The following WDR33 variants were observed in gnomAD, a reference collection of about 807,000 sequenced individuals.
WDR33 encodes the protein WD repeat domain 33.
Under a neutral mutation model 164.9 loss-of-function variants are expected in WDR33, and 47 were observed. The observed-to-expected ratio is 0.29, with a 90% CI of 0.23 to 0.36. WDR33 has a LOEUF of 0.36. Among genes scored for constraint, WDR33 ranks in the 10% least tolerant of loss-of-function variants. The probability of loss-of-function intolerance (pLI) is 1.00; values close to 1 mark genes in which losing one functional copy is unlikely to be tolerated. For synonymous variants in WDR33, 505 were observed against 589.0 expected, an observed-to-expected ratio of 0.86 and a Z score of 2.06; for missense variants, 1,137 against 1,754.1, an observed-to-expected ratio of 0.65 and a Z score of 6.28.
At chr2:127,711,774 A>AT (rs1382438028) in intron 18 of WDR33, among the ~76,000 whole-genome samples, 2 of 93,340 alleles carry the variant, frequency 2.1e-5, no homozygotes, top group South Asian at 8.3e-4. Context: ...ATATATATAT[A>AT]TATATATTTT....
chr2:127,757,921 GCA>G (rs1012062000), intron 7 of WDR33, among the ~76,000 whole-genome samples: 34 of 152,166 alleles, frequency 2.2e-4, no homozygotes, highest in African/African-American at 7.7e-4. Context: ...TCATGAAGGG[GCA>G]CACAGAGACT....
Position 127,701,556 on chromosome 2 carries a change from G to A in WDR33, c.*4767C>T. On this transcript the variant is annotated 3_prime_UTR_variant, in exon 22 of 22. Coordinates refer to ENST00000322313, the MANE Select transcript of WDR33 (RefSeq NM_018383.5). ...GGCGGACCTCCACCGCCAGCTGCAG[G>A]AGTACCTGGCGCAGGGGAAAGCTGG... is the stretch of plus-strand genomic sequence containing the variant. 1.5e-6 allele frequency: 2 copies of A among 1,368,492 alleles called. No individual in the cohort carries two copies. Among genetic ancestry groups the A allele is most frequent in the Non-Finnish European group, 1.9e-6 (2 of 1,059,878 alleles). The allele number at this position is 1,368,492 out of a possible 1,614,324, so 84.8% of individuals were successfully genotyped here.
intron 7 of WDR33, among the ~76,000 whole-genome samples, chr2:127,731,773 T>G (rs1009088635): frequency 2.6e-5 from 4 of 152,100 alleles, no homozygotes; most frequent in African/African-American, 9.7e-5. Flanking sequence ...CTAAAAAGGG[T>G]ACATATTACC....
chr2:127,786,925 T>C lies in WDR33; in HGVS notation c.-23-15921A>G, dbSNP rs1262726896. On this transcript the variant is annotated intron_variant, in intron 1 of 21. Coordinates refer to ENST00000322313, the MANE Select transcript of WDR33 (RefSeq NM_018383.5). ...CACAGAGGGGGATTTGGCAGGGTCA[T>C]GGGACAATAGTGGAGGGAAGGTCAG... is the stretch of plus-strand genomic sequence containing the variant. Among the ~76,000 whole-genome samples, 4 of 126,646 alleles carry C rather than the reference T, an allele frequency of 3.2e-5. No individual in the cohort carries two copies. The East Asian group carries it at 8.9e-4, about 28-fold the overall frequency. 83.1% of individuals were successfully genotyped at this position (126,646 alleles called of 152,430 possible). A position where few individuals can be genotyped will look rare whatever the true frequency, so the allele number is the denominator to read the frequency against.
intron 1 of WDR33, among the ~76,000 whole-genome samples, chr2:127,803,272 G>A (rs1689316181): frequency 6.6e-6 from 1 of 152,046 alleles, no homozygotes; most frequent in Non-Finnish European, 1.5e-5. Context: ...TGTTAACTTT[G>A]ATTAGGAATT....
At position 127,719,119 on chromosome 2, in the gene WDR33, A is replaced by G; in HGVS notation, c.2760+146T>C. 9.6e-7 allele frequency: 1 copy of G among 1,037,774 alleles called. No individual in the cohort carries two copies. Among genetic ancestry groups the G allele is most frequent in the Non-Finnish European group, 1.3e-6 (1 of 786,238 alleles). The allele number at this position is 1,037,774 out of a possible 1,614,324, so 64.3% of individuals were successfully genotyped here. A position where few individuals can be genotyped will look rare whatever the true frequency, so the allele number is the denominator to read the frequency against. On this transcript the variant is annotated intron_variant, in intron 16 of 21. Transcript: ENST00000322313. The surrounding 1 kb of genome is among the most constrained non-coding windows in gnomAD (Gnocchi z 6.5). ...CATCATTCTTATGATTTCATTCTTC[A>G]GCCAGGATGCTAGTATCTTAAGCTA...
rs1686451876 is a variant in WDR33, at chr2:127,721,955, G to T, written c.1552C>A (p.Pro518Thr). ...WMQNKVPIPA[P>T]NEVLNDRKED... ...TTTCTGTCATTCAGCACCTCATTTG[G>T]AGCAGGAATTGGAACTTTATTTTGC... Residue 518 changes from proline to threonine, a missense_variant, in exon 15 of 22, where the codon CCA becomes ACA. Coordinates refer to ENST00000322313, the MANE Select transcript of WDR33 (RefSeq NM_018383.5). The surrounding 1 kb of genome is among the most constrained non-coding windows in gnomAD (Gnocchi z 4.9). 1 of 1,613,000 alleles carries T rather than the reference G, an allele frequency of 6.2e-7. No individual in the cohort carries two copies. Among genetic ancestry groups the T allele is most frequent in the Non-Finnish European group, 8.5e-7 (1 of 1,179,852 alleles).
chr2:127,790,496 A>C (rs889004699), intron 1 of WDR33, among the ~76,000 whole-genome samples: 2 of 152,236 alleles, frequency 1.3e-5, no homozygotes. Context: ...GAGAGTATGT[A>C]GAATTGATAT....
intron 7 of WDR33, among the ~76,000 whole-genome samples, chr2:127,749,593 C>T (rs1330329777): frequency 1.4e-5 from 2 of 146,924 alleles, no homozygotes; most frequent in African/African-American, 5.0e-5. Context: ...GCCAGGGAGG[C>T]GGAGATTGCA....
At chr2:127,778,514 AAC>A (rs140732221) in intron 1 of WDR33, among the ~76,000 whole-genome samples, 76 of 150,054 alleles carry the variant, frequency 5.1e-4, no homozygotes, top group Non-Finnish European at 7.3e-4. Flanking sequence ...CCAGACAATG[AAC>A]ACACACACAC....
chr2:127,739,175 TG>T lies in WDR33; in HGVS notation c.725-12399del, dbSNP rs558652000. 3.9e-4 allele frequency among the ~76,000 whole-genome samples: 59 copies of T among 152,282 alleles called. No individual in the cohort carries two copies. The East Asian group carries it at 0.011, about 28-fold the overall frequency. The stretch of plus-strand genomic sequence containing the variant: ...ATGTTCTTTTTCTTTATTGAATGAA[TG>T]AGGAAATGATGAGAGAGCAAAAAAT... On this transcript the variant is annotated intron_variant, in intron 7 of 21. Coordinates refer to ENST00000322313, the MANE Select transcript of WDR33 (RefSeq NM_018383.5).
chr2:127,708,588 C>G lies in WDR33; in HGVS notation c.3781+89G>C. 1 of 1,406,370 alleles carries G rather than the reference C, an allele frequency of 7.1e-7. No homozygotes were observed. The highest frequency in any genetic ancestry group is 9.6e-7 in the Non-Finnish European group (1 of 1,037,982). 87.1% of individuals were successfully genotyped at this position (1,406,370 alleles called of 1,614,324 possible). ...TAGGAGCATGTGCCTCTGCACAGCCCAGGCTGCAAGGGCATGTGCAGCAGA... is the reference window on the plus strand; with the variant it reads ...TAGGAGCATGTGCCTCTGCACAGCCGAGGCTGCAAGGGCATGTGCAGCAGA... On this transcript the variant is annotated intron_variant, in intron 21 of 21. Transcript: ENST00000322313. This position sits in a 1 kb window ranked among gnomAD's most constrained non-coding sequence, Gnocchi z 6.7.
intron 18 of WDR33, among the ~76,000 whole-genome samples, chr2:127,711,749 C>CAGATATATATATATAGATATAGATAGAT (rs1686169609): frequency 1.3e-5 from 1 of 79,812 alleles, no homozygotes; most frequent in African/African-American, 8.2e-5. Context: ...ACCACATATA[C>CAGATATATATATATAGATATAGATAGAT]AGATATATAT....
In WDR33 at chr2:127,702,045, G is replaced by A. The variant is rs1476521159; in HGVS notation, c.*4278C>T. 17 of 1,232,260 alleles carry A rather than the reference G, an allele frequency of 1.4e-5. No individual in the cohort carries two copies. Among genetic ancestry groups the A allele is most frequent in the Non-Finnish European group, 1.7e-5 (17 of 989,560 alleles). The allele number at this position is 1,232,260 out of a possible 1,614,324, so 76.3% of individuals were successfully genotyped here. ...CAGCACGCTGCTCACGGTGCTGGGCGCGGGCGCGCAGGTGGCCGCGCTGCT... is the reference window on the plus strand; with the variant it reads ...CAGCACGCTGCTCACGGTGCTGGGCACGGGCGCGCAGGTGGCCGCGCTGCT... On this transcript the variant is annotated 3_prime_UTR_variant, in exon 22 of 22. Transcript: ENST00000322313.
At position 127,714,976 on chromosome 2, in the gene WDR33, CT is replaced by C. The variant is rs1232989495; in HGVS notation, c.2870-956del. Among the ~76,000 whole-genome samples the C allele has an allele frequency of 1.3e-5, 2 of 152,074 alleles. No homozygotes were observed. The highest frequency in any genetic ancestry group is 2.9e-5 in the Non-Finnish European group (2 of 68,026). ...ATTCCTCCAATAGCCCAGTTCATGCCTTTTACTGCTTTTCCCTGGCTATAAA... is the reference window on the plus strand; with the variant it reads ...ATTCCTCCAATAGCCCAGTTCATGCCTTTACTGCTTTTCCCTGGCTATAAA... On this transcript the variant is annotated intron_variant, in intron 17 of 21. Transcript: ENST00000322313. The surrounding 1 kb of genome is among the most constrained non-coding windows in gnomAD (Gnocchi z 4.3).
chr2:127,793,159 G>A (rs868683433), intron 1 of WDR33, among the ~76,000 whole-genome samples: 2 of 152,144 alleles, frequency 1.3e-5, no homozygotes, highest in African/African-American at 2.4e-5. Context: ...GGCCTGGCAC[G>A]GTGGCTCATG....
chr2:127,808,968 T>G (rs1444346107), intron 1 of WDR33, among the ~76,000 whole-genome samples: 1 of 148,702 alleles, frequency 6.7e-6, no homozygotes, highest in African/African-American at 2.5e-5. Flanking sequence ...AGGCGGAGCT[T>G]GCAGCGAGCC....
chr2:127,737,181 T>C (rs919116086), intron 7 of WDR33: 6 of 985,330 alleles, frequency 6.1e-6, no homozygotes, highest in Non-Finnish European at 6.0e-6. Flanking sequence ...TAAAGGAATG[T>C]GGCAATCAAA....
rs891952722 is a variant in WDR33 at position 127,721,725 on chromosome 2, T to C, written c.1671+111A>G. The C allele has an allele frequency of 6.0e-6, 7 of 1,161,356 alleles. No homozygotes were observed. In the African/African-American group the frequency reaches 1.1e-4, roughly 18 times the overall value. 71.9% of individuals were successfully genotyped at this position (1,161,356 alleles called of 1,614,324 possible). On this transcript the variant is annotated intron_variant, in intron 15 of 21. Transcript: ENST00000322313. This position sits in a 1 kb window ranked among gnomAD's most constrained non-coding sequence, Gnocchi z 4.9. Reference sequence around the variant, plus strand: ...GCATAGCAACAGGAAATGGCGGTGTTTGTCAGACCATGGGAGAGCCCCTTC... The same window carrying C: ...GCATAGCAACAGGAAATGGCGGTGTCTGTCAGACCATGGGAGAGCCCCTTC...
Sources: gnomAD v4.1 joint callset for allele counts (sites outside exome capture counted in the v4.1 genomes callset) on GRCh38, gnomAD v4.1.1 for gene constraint, Gnocchi (gnomAD v3.1) non-coding constraint, MANE v1.5 for transcripts, NCBI Gene and HGNC (gene_info 2026-07-23, HGNC 2026-07-21) for gene names.